The following KCTD8 variants were observed in gnomAD, a reference collection of about 807,000 sequenced individuals.
KCTD8 encodes the protein BTB/POZ domain-containing protein KCTD8.
Under a neutral mutation model 31.5 loss-of-function variants are expected in KCTD8, and 27 were observed. That is an observed-to-expected ratio of 0.86 (90% CI 0.63 to 1.18). The LOEUF is 1.18. Among genes scored for constraint, KCTD8 ranks in the 50% most tolerant of loss-of-function variants. KCTD8 has a pLI of 0.00. For synonymous variants in KCTD8, 290 were observed against 280.0 expected, an observed-to-expected ratio of 1.04 and a Z score of -0.36; for missense variants, 658 against 647.7, an observed-to-expected ratio of 1.02 and a Z score of -0.17.
intron 1 of KCTD8, among the ~76,000 whole-genome samples, chr4:44,446,949 C>A (rs779602285): frequency 3.3e-5 from 5 of 152,156 alleles, no homozygotes; most frequent in Non-Finnish European, 7.3e-5. Flanking sequence ...GTCAAGGAGT[C>A]CCCTTTCCCC....
intron 1 of KCTD8, among the ~76,000 whole-genome samples, chr4:44,393,995 A>G (rs114932683): frequency 0.014 from 2,089 of 152,156 alleles, 26 homozygotes; most frequent in Non-Finnish European, 0.023. Flanking sequence ...TGTTAAGAAT[A>G]TAGAGTTCAA....
intron 1 of KCTD8, among the ~76,000 whole-genome samples, chr4:44,239,778 C>T (rs948405741): frequency 2.6e-5 from 4 of 152,150 alleles, no homozygotes; most frequent in African/African-American, 9.7e-5. Flanking sequence ...TTTTGTCTCA[C>T]GTTTACTGTG....
At chr4:44,367,022 A>G (rs1212527745) in intron 1 of KCTD8, among the ~76,000 whole-genome samples, 2 of 152,196 alleles carry the variant, frequency 1.3e-5, no homozygotes, top group African/African-American at 4.8e-5. Context: ...ACTTCACAGT[A>G]AGCCACATTC....
At chr4:44,366,421 C>T (rs950525109) in intron 1 of KCTD8, among the ~76,000 whole-genome samples, 1 of 152,118 alleles carries the variant, frequency 6.6e-6, no homozygotes, top group African/African-American at 2.4e-5. Context: ...TGGCACTTCC[C>T]CCTTCGCTCT....
chr4:44,217,656 G>A (rs1240400194), intron 1 of KCTD8, among the ~76,000 whole-genome samples: 1 of 152,122 alleles, frequency 6.6e-6, no homozygotes, highest in South Asian at 2.1e-4. Flanking sequence ...TTGCCAGTGC[G>A]GCTAGAACAA....
chr4:44,427,287 T>A (rs1721371751), intron 1 of KCTD8, among the ~76,000 whole-genome samples: 1 of 151,358 alleles, frequency 6.6e-6, no homozygotes. Flanking sequence ...ATAATTCATA[T>A]AAAATACCGA....
intron 1 of KCTD8, among the ~76,000 whole-genome samples, chr4:44,406,332 C>T (rs936920444): frequency 6.6e-6 from 1 of 152,064 alleles, no homozygotes; most frequent in Non-Finnish European, 1.5e-5. Flanking sequence ...GGCTCTGTGT[C>T]CCCACCCAAA....
At chr4:44,349,012 A>G (rs1315920093) in intron 1 of KCTD8, among the ~76,000 whole-genome samples, 9 of 152,074 alleles carry the variant, frequency 5.9e-5, no homozygotes, top group African/African-American at 1.7e-4. Context: ...AGACAAGACT[A>G]TAGAAAAACT....
Position 44,174,819 on chromosome 4 carries a change from A to T in KCTD8, c.1393T>A (p.Ser465Thr). ...AACCCATACTTCTGCAACAGTTCAG[A>T]TTGCCATTGGCGTTTGCGCTCTGGA... ...YFPERKRQWQ[S>T]ELLQKYGL Residue 465 changes from serine (S) to threonine (T), a missense_variant, in exon 2 of 2, where the codon TCT (serine) becomes ACT (threonine). Coordinates refer to ENST00000360029, the MANE Select transcript of KCTD8 (RefSeq NM_198353.3). 6.2e-7 allele frequency: 1 copy of T among 1,611,320 alleles called. No homozygotes were observed. Among genetic ancestry groups the T allele is most frequent in the Admixed American group, 1.7e-5 (1 of 59,670 alleles).
intron 1 of KCTD8, among the ~76,000 whole-genome samples, chr4:44,280,999 A>T (rs1716890337): frequency 6.6e-6 from 1 of 152,072 alleles, no homozygotes; most frequent in Non-Finnish European, 1.5e-5. Context: ...AGATGATAAG[A>T]GTTTCAGAGC....
chr4:44,203,177 A>G (rs886948777), intron 1 of KCTD8, among the ~76,000 whole-genome samples: 1 of 152,142 alleles, frequency 6.6e-6, no homozygotes, highest in Non-Finnish European at 1.5e-5. Context: ...TTAAAGACAG[A>G]TCATTGTAGT....
chr4:44,287,731 A>G (rs916694731), intron 1 of KCTD8, among the ~76,000 whole-genome samples: 2 of 152,194 alleles, frequency 1.3e-5, no homozygotes, highest in African/African-American at 4.8e-5. Context: ...AGCAGGCATT[A>G]CTAATTTACC....
intron 1 of KCTD8, among the ~76,000 whole-genome samples, chr4:44,212,018 T>C (rs1300938993): frequency 2.6e-5 from 4 of 152,178 alleles, no homozygotes; most frequent in African/African-American, 9.7e-5. Context: ...AGTGATGTTT[T>C]TGAAACAACA....
At chr4:44,382,087 T>C (rs868859767) in intron 1 of KCTD8, among the ~76,000 whole-genome samples, 1 of 152,024 alleles carries the variant, frequency 6.6e-6, no homozygotes, top group African/African-American at 2.4e-5. Flanking sequence ...GCAAATAATA[T>C]TAGTTTTAAA....
rs559819606 is a variant in KCTD8, at chr4:44,339,510, A to AAT, written c.961+108051_961+108052dup. Among the ~76,000 whole-genome samples, 5 of 152,286 alleles carry AAT rather than the reference A, an allele frequency of 3.3e-5. No homozygotes were observed. In the South Asian group the frequency reaches 1.0e-3, roughly 32 times the overall value. ...ATCCATCAAGAAGGCATAACAATTGAATATATATACCTCACAATGAAGCTT... is the reference window on the plus strand; with the variant it reads ...ATCCATCAAGAAGGCATAACAATTGAATATATATATACCTCACAATGAAGCTT... On this transcript the variant is annotated intron_variant, in intron 1 of 1. Coordinates refer to ENST00000360029, the MANE Select transcript of KCTD8 (RefSeq NM_198353.3).
At chr4:44,411,691 G>T (rs1386795276) in intron 1 of KCTD8, among the ~76,000 whole-genome samples, 1 of 151,950 alleles carries the variant, frequency 6.6e-6, no homozygotes, top group African/African-American at 2.4e-5. Flanking sequence ...GGAGTAGGGT[G>T]GACCCTTATT....
At position 44,448,551 on chromosome 4, in the gene KCTD8, C is replaced by CGA; in HGVS notation, c.-30_-29dup. On this transcript the variant is annotated 5_prime_UTR_variant, in exon 1 of 2. Transcript: ENST00000360029. The surrounding 1 kb of genome is among the most constrained non-coding windows in gnomAD (Gnocchi z 4.1). ...TCCCCCCGCCGCCGGCCCAGTGACC[C>CGA]GAGAGAGCTGCACTTTCTCGTTCCC... 1 of 1,442,052 alleles carries CGA rather than the reference C, an allele frequency of 6.9e-7. No individual in the cohort carries two copies. Among genetic ancestry groups the CGA allele is most frequent in the Non-Finnish European group, 9.1e-7 (1 of 1,102,358 alleles). The allele number at this position is 1,442,052 out of a possible 1,614,324, so 89.3% of individuals were successfully genotyped here.
At chr4:44,434,052 G>A (rs189384747) in intron 1 of KCTD8, among the ~76,000 whole-genome samples, 1 of 151,762 alleles carries the variant, frequency 6.6e-6, no homozygotes, top group Non-Finnish European at 1.5e-5. Flanking sequence ...TACATTTCCA[G>A]ATTTTTCTTC....
At chr4:44,225,277 G>A (rs780000864) in intron 1 of KCTD8, among the ~76,000 whole-genome samples, 3 of 152,192 alleles carry the variant, frequency 2.0e-5, no homozygotes, top group African/African-American at 4.8e-5. Flanking sequence ...CTAAACATGT[G>A]TCACTTTCCT....
Sources: gnomAD v4.1 joint callset for allele counts (sites outside exome capture counted in the v4.1 genomes callset) on GRCh38, gnomAD v4.1.1 for gene constraint, Gnocchi (gnomAD v3.1) non-coding constraint, MANE v1.5 for transcripts, NCBI Gene and HGNC (gene_info 2026-07-23, HGNC 2026-07-21) for gene names.